Variants in DTNB observed in about 807,000 individuals in gnomAD.
The protein encoded by DTNB is dystrobrevin beta.
In DTNB, 63 loss-of-function variants were observed where a neutral mutation model predicts 90.7. The observed-to-expected ratio is 0.69, with a 90% CI of 0.57 to 0.86. DTNB has a LOEUF of 0.86. Ranked by LOEUF, DTNB falls within the 40% of genes least tolerant of loss-of-function variation. The pLI is 0.00. For synonymous variants in DTNB, 277 were observed against 286.7 expected, an observed-to-expected ratio of 0.97 and a Z score of 0.34; for missense variants, 744 against 807.1, an observed-to-expected ratio of 0.92 and a Z score of 0.95.
chr2:25,547,727 T>C (rs1437523040), intron 8 of DTNB, among the ~76,000 whole-genome samples: 1 of 152,188 alleles, frequency 6.6e-6, no homozygotes, highest in Admixed American at 6.5e-5. Flanking sequence ...ATGGTATATA[T>C]CAAATGAAAA....
chr2:25,453,055 A>G (rs993200528), intron 11 of DTNB, among the ~76,000 whole-genome samples: 8 of 152,126 alleles, frequency 5.3e-5, no homozygotes, highest in African/African-American at 1.9e-4. Flanking sequence ...AAAAAAAAAC[A>G]ATAAAAATGA....
At chr2:25,639,783 T>C (rs1302079315) in intron 2 of DTNB, among the ~76,000 whole-genome samples, 2 of 152,114 alleles carry the variant, frequency 1.3e-5, no homozygotes, top group Non-Finnish European at 1.5e-5. Context: ...TGGAGATAGA[T>C]GATAACAGAC....
In DTNB at chr2:25,424,975, T is replaced by G. The variant is rs2051050913; in HGVS notation, c.1554+2560A>C. On this transcript the variant is annotated intron_variant, in intron 15 of 20. Coordinates refer to ENST00000406818, the MANE Select transcript of DTNB (RefSeq NM_021907.5). This position sits in a 1 kb window ranked among gnomAD's most constrained non-coding sequence, Gnocchi z 4.1. Reference sequence around the variant, plus strand: ...CTGCGCCCGACTGGATACCCTATTATCTCCCATCCCACAGGTGTACTAACT... The same window carrying G: ...CTGCGCCCGACTGGATACCCTATTAGCTCCCATCCCACAGGTGTACTAACT... 6.6e-6 allele frequency among the ~76,000 whole-genome samples: 1 copy of G among 152,102 alleles called. No homozygotes were observed. Among genetic ancestry groups the G allele is most frequent in the Non-Finnish European group, 1.5e-5 (1 of 68,006 alleles).
chr2:25,444,115 A>G (rs555037989), intron 12 of DTNB, among the ~76,000 whole-genome samples: 1 of 152,128 alleles, frequency 6.6e-6, no homozygotes, highest in Non-Finnish European at 1.5e-5. Context: ...TTTATAAGGG[A>G]AAAAAAACCC....
At chr2:25,521,041 G>A (rs904505288) in intron 9 of DTNB, among the ~76,000 whole-genome samples, 10 of 152,148 alleles carry the variant, frequency 6.6e-5, no homozygotes, top group Non-Finnish European at 1.3e-4. Flanking sequence ...AAGACTTTCT[G>A]TCAGTAAGAG....
intron 5 of DTNB, among the ~76,000 whole-genome samples, chr2:25,603,471 T>A (rs1335584715): frequency 1.3e-5 from 2 of 152,194 alleles, no homozygotes; most frequent in Non-Finnish European, 2.9e-5. Context: ...GAATGCTACC[T>A]GGAGACAGAA....
Position 25,387,256 on chromosome 2 carries a change from G to T in DTNB, c.1825+33C>A. 1 of 1,596,312 alleles carries T rather than the reference G, an allele frequency of 6.3e-7. No individual in the cohort carries two copies. The highest frequency in any genetic ancestry group is 8.6e-7 in the Non-Finnish European group (1 of 1,167,898). ...GAAGGGCGCGGGCAAGGCAGGGGAG[G>T]CCAGGAAGCTGGCTGGGAGCTCTGG... On this transcript the variant is annotated intron_variant, in intron 18 of 20. Coordinates refer to ENST00000406818, the MANE Select transcript of DTNB (RefSeq NM_021907.5). The surrounding 1 kb of genome is among the most constrained non-coding windows in gnomAD (Gnocchi z 4.5).
At chr2:25,414,170 G>C (rs901897137) in intron 16 of DTNB, among the ~76,000 whole-genome samples, 4 of 152,162 alleles carry the variant, frequency 2.6e-5, no homozygotes, top group Non-Finnish European at 5.9e-5. Context: ...GTAGATTCTG[G>C]ATATTAGCCC....
chr2:25,519,032 G>A (rs1211421524), intron 9 of DTNB, among the ~76,000 whole-genome samples: 2 of 152,120 alleles, frequency 1.3e-5, no homozygotes, highest in Non-Finnish European at 2.9e-5. Context: ...TGGCCCACTG[G>A]TAAGCAAAAT....
intron 8 of DTNB, among the ~76,000 whole-genome samples, chr2:25,538,439 T>C (rs1446659542): frequency 1.3e-5 from 2 of 152,108 alleles, no homozygotes. Context: ...CCAAAGAGTA[T>C]AAAATGTGTT....
intron 8 of DTNB, among the ~76,000 whole-genome samples, chr2:25,547,403 C>T (rs766529271): frequency 2.7e-4 from 40 of 149,646 alleles, no homozygotes; most frequent in Non-Finnish European, 5.0e-4. Flanking sequence ...CGGCTCACTG[C>T]AACCTCCGCC....
rs879487841 is a variant in DTNB, at chr2:25,455,494, C to T, written c.1080G>A (p.Arg360=). ...MSSGVPTPTK[R]LQYSQDIPSH... is the part of the protein sequence containing the mutation. ...TGGGTATATCCTGGCTATACTGTAA[C>T]CTAGGAACAATGGAGGCAAAGACAG... The change falls in exon 11 of 21, where the codon AGG becomes AGA. Residue 360 remains arginine, a splice_region_variant and synonymous_variant. Transcript: ENST00000406818. The T allele has an allele frequency of 1.9e-6, 3 of 1,603,274 alleles. No individual in the cohort carries two copies. The highest frequency in any genetic ancestry group is 1.7e-5 in the Admixed American group (1 of 58,346).
chr2:25,573,945 C>T (rs926361473), intron 8 of DTNB, among the ~76,000 whole-genome samples: 13 of 152,170 alleles, frequency 8.5e-5, no homozygotes, highest in Non-Finnish European at 1.6e-4. Context: ...TTACCTTTCG[C>T]TTAATGGTTT....
At chr2:25,392,824 G>A (rs1434916283) in intron 16 of DTNB, among the ~76,000 whole-genome samples, 1 of 152,146 alleles carries the variant, frequency 6.6e-6, no homozygotes, top group Admixed American at 6.5e-5. Context: ...ATTCAAAGAA[G>A]AATTGGTACC....
At chr2:25,549,865 T>C (rs1350589304) in intron 8 of DTNB, among the ~76,000 whole-genome samples, 2 of 151,982 alleles carry the variant, frequency 1.3e-5, no homozygotes, top group Non-Finnish European at 2.9e-5. Flanking sequence ...TTCACCACAT[T>C]GCCCAGGCTG....
chr2:25,659,310 A>G (rs1007312286), intron 1 of DTNB, among the ~76,000 whole-genome samples: 2 of 152,242 alleles, frequency 1.3e-5, no homozygotes, highest in Non-Finnish European at 2.9e-5. Flanking sequence ...TTAGGTGCAC[A>G]TGAAACATGT....
At chr2:25,439,680 A>C (rs1433942510) in intron 12 of DTNB, among the ~76,000 whole-genome samples, 2 of 152,196 alleles carry the variant, frequency 1.3e-5, no homozygotes, top group Non-Finnish European at 2.9e-5. Flanking sequence ...CGAATTAGTA[A>C]TCCTAGCTTT....
chr2:25,662,425 C>A (rs2149015697), intron 1 of DTNB, among the ~76,000 whole-genome samples: 1 of 152,184 alleles, frequency 6.6e-6, no homozygotes, highest in East Asian at 1.9e-4. Context: ...CAAGAGAATA[C>A]ATAAAAAATA....
At chr2:25,606,203 G>A (rs2067070725) in intron 5 of DTNB, among the ~76,000 whole-genome samples, 2 of 142,002 alleles carry the variant, frequency 1.4e-5, no homozygotes, top group South Asian at 2.2e-4. Flanking sequence ...AAAAAAAAAA[G>A]GGCATGGAGG....
Sources: allele counts gnomAD v4.1 joint callset (sites outside exome capture counted in the v4.1 genomes callset), GRCh38; gene constraint gnomAD v4.1.1; non-coding constraint Gnocchi (gnomAD v3.1); transcripts MANE v1.5; gene names NCBI Gene and HGNC (gene_info 2026-07-23, HGNC 2026-07-21).